Variants in CXCL17 observed in about 807,000 individuals in gnomAD.
The protein encoded by CXCL17 is C-X-C motif chemokine 17.
In CXCL17, 9 loss-of-function variants were observed where a neutral mutation model predicts 15.5. That is an observed-to-expected ratio of 0.58 (90% CI 0.35 to 1.01). CXCL17 has a LOEUF of 1.01. Among genes scored for constraint, CXCL17 ranks in the 50% least tolerant of loss-of-function variants. The pLI is 0.02. For synonymous variants in CXCL17, 52 were observed against 52.3 expected (o/e 0.99, Z 0.02); for missense variants, 133 against 138.2 (o/e 0.96, Z 0.19).
At chr19:42,433,687 A>G in intron 2 of CXCL17, 89 bp downstream of exon 2, 4 of 1,098,146 alleles carry the variant, frequency 3.6e-6, no homozygotes, top group Non-Finnish European at 5.6e-6. Flanking sequence ...GTCAGCTGAG[A>G]TAACATCTGC....
intron 1 of CXCL17, among the ~76,000 whole-genome samples, chr19:42,439,253 C>CAAAAAAAAAAAAAA (rs58768697): frequency 6.5e-5 from 5 of 77,502 alleles, no homozygotes; most frequent in East Asian, 3.5e-4. Flanking sequence ...GACTCTATCT[C>CAAAAAAAAAAAAAA]AAAAAAAAAA....
chr19:42,438,574 C>T (rs946626633), intron 1 of CXCL17, among the ~76,000 whole-genome samples: 7 of 151,216 alleles, frequency 4.6e-5, no homozygotes, highest in Admixed American at 2.6e-4. Context: ...CATGAGTGTG[C>T]GTGTGTGTTA....
At chr19:42,442,683 T>G in intron 1 of CXCL17, 71 bp downstream of exon 1, 1 of 1,086,144 alleles carries the variant, frequency 9.2e-7, no homozygotes, top group Non-Finnish European at 1.4e-6. Context: ...GAAGCTGCAT[T>G]TTGATGTGTC....
At chr19:42,438,681 C>T (rs1315223600) in intron 1 of CXCL17, among the ~76,000 whole-genome samples, 1 of 152,016 alleles carries the variant, frequency 6.6e-6, no homozygotes, top group East Asian at 1.9e-4. Flanking sequence ...ATCATTCTCC[C>T]ATGAAAGGAA....
intron 1 of CXCL17, 42 bp downstream of exon 1, chr19:42,442,712 A>G (rs752495438): frequency 2.9e-5 from 43 of 1,468,658 alleles, no homozygotes; most frequent in South Asian, 8.0e-5. Context: ...GTTTTGCCAC[A>G]TTTCTCCCCC....
At chr19:42,430,421 T>C (rs1022270443) in intron 3 of CXCL17, among the ~76,000 whole-genome samples, 3 of 151,550 alleles carry the variant, frequency 2.0e-5, no homozygotes, top group Non-Finnish European at 4.4e-5. Flanking sequence ...CATGGAGAAA[T>C]CCATCTCTAC....
chr19:42,442,229 CTT>C (rs10527944), intron 1 of CXCL17, among the ~76,000 whole-genome samples: 8,879 of 120,574 alleles, frequency 0.074, 108 homozygotes, highest in Middle Eastern at 0.14. Context: ...CTTTTCTTTC[CTT>C]TTTTTTTTTT....
At chr19:42,441,126 G>A (rs112179666) in intron 1 of CXCL17, among the ~76,000 whole-genome samples, 7 of 152,318 alleles carry the variant, frequency 4.6e-5, no homozygotes, top group East Asian at 1.9e-4. Context: ...GCTGGATAGC[G>A]TGAGGGATAT....
In CXCL17 at chr19:42,433,837, C is replaced by T. The variant is rs754846428; in HGVS notation, c.99G>A (p.Arg33=). ...SLNPGVARGH[R]DRGQASRRWL... Reference sequence around the variant, plus strand: ...ATCTCCTAGAAGCCTGGCCTCGGTCCCTGTGGCCTCTGGCGACCCCTGTCG... The same window carrying T: ...ATCTCCTAGAAGCCTGGCCTCGGTCTCTGTGGCCTCTGGCGACCCCTGTCG... Residue 33 remains arginine (R), a synonymous_variant, in exon 2 of 4, where the codon AGG becomes AGA. Coordinates refer to ENST00000601181, the MANE Select transcript of CXCL17 (RefSeq NM_198477.3). 1.2e-6 allele frequency: 2 copies of T among 1,613,954 alleles called. No individual in the cohort carries two copies. Among genetic ancestry groups the T allele is most frequent in the Middle Eastern group, 1.6e-4 (1 of 6,062 alleles).
At chr19:42,436,059 A>ATTCAGGCCTCCTACTTCCCAG in intron 1 of CXCL17, among the ~76,000 whole-genome samples, 1 of 151,976 alleles carries the variant, frequency 6.6e-6, no homozygotes, top group African/African-American at 2.4e-5. Context: ...ATTCCTAGCA[A>ATTCAGGCCTCCTACTTCCCAG]ACTAAAATAA....
At position 42,442,826 on chromosome 19, in the gene CXCL17, C is replaced by G. The variant is rs757561894; in HGVS notation, c.7G>C (p.Val3Leu). The G allele has an allele frequency of 9.3e-6, 15 of 1,613,358 alleles. No individual in the cohort carries two copies. Among genetic ancestry groups the G allele is most frequent in the Non-Finnish European group, 1.2e-5 (14 of 1,179,434 alleles). ...AACAGGAGGAGGGAAGAGATTAGAA[C>G]TTTCATCGCAACTGTCGGTGCAGCT... Reference protein sequence around the residue: MKVLISSLLLLLP... With the variant: MKLLISSLLLLLP... The change falls in exon 1 of 4, where the codon GTT (valine) becomes CTT (leucine). Residue 3 changes from valine to leucine, a missense_variant. Coordinates refer to ENST00000601181, the MANE Select transcript of CXCL17 (RefSeq NM_198477.3).
Position 42,436,675 on chromosome 19 carries a change from T to C in CXCL17, c.80-2819A>G, listed in dbSNP as rs1216666935. On this transcript the variant is annotated intron_variant, in intron 1 of 3. Coordinates refer to ENST00000601181, the MANE Select transcript of CXCL17 (RefSeq NM_198477.3). ...TTTTCCATTCATAGGCATGTTGCTG[T>C]GTCATCTTCATAACACATTTTTAAT... 3.3e-5 allele frequency among the ~76,000 whole-genome samples: 5 copies of C among 152,240 alleles called. No homozygotes were observed. The East Asian group carries it at 7.7e-4, about 23-fold the overall frequency.
chr19:42,430,092 A>C (rs2040762424), intron 3 of CXCL17, among the ~76,000 whole-genome samples: 1 of 151,710 alleles, frequency 6.6e-6, no homozygotes, highest in African/African-American at 2.4e-5. Context: ...GTTTCAGCCC[A>C]GGAGGTGAGC....
At chr19:42,438,549 G>C (rs1479230007) in intron 1 of CXCL17, among the ~76,000 whole-genome samples, 1 of 151,440 alleles carries the variant, frequency 6.6e-6, no homozygotes, top group Non-Finnish European at 1.5e-5. Context: ...CTGCGATTAA[G>C]TGGGGACTAC....
chr19:42,440,626 A>C (rs2040882583), intron 1 of CXCL17, among the ~76,000 whole-genome samples: 1 of 152,230 alleles, frequency 6.6e-6, no homozygotes. Context: ...CGGATCATTT[A>C]ATCTTCACAA....
At chr19:42,437,859 C>T (rs2040848158) in intron 1 of CXCL17, among the ~76,000 whole-genome samples, 1 of 152,028 alleles carries the variant, frequency 6.6e-6, no homozygotes, top group African/African-American at 2.4e-5. Context: ...TTTTCTGTGC[C>T]TCATTTTCCT....
chr19:42,430,594 CAAA>C (rs537870150), intron 3 of CXCL17, among the ~76,000 whole-genome samples: 4 of 85,194 alleles, frequency 4.7e-5, no homozygotes, highest in Admixed American at 1.4e-4. Flanking sequence ...AACTCCATCT[CAAA>C]AAAAAAAAAA....
At chr19:42,434,362 A>G (rs758063535) in intron 1 of CXCL17, among the ~76,000 whole-genome samples, 1 of 152,184 alleles carries the variant, frequency 6.6e-6, no homozygotes, top group African/African-American at 2.4e-5. Context: ...TAAAAGAGTG[A>G]GAGCGAGGAG....
rs374169926 is a variant in CXCL17, at chr19:42,433,851, C to T, written c.85G>A (p.Ala29Thr). 43 of 1,613,566 alleles carry T rather than the reference C, an allele frequency of 2.7e-5. No individual in the cohort carries two copies. Among genetic ancestry groups the T allele is most frequent in the Non-Finnish European group, 2.9e-5 (34 of 1,179,860 alleles). Residue 29 changes from alanine to threonine, a missense_variant, in exon 2 of 4, where the codon GCC becomes ACC. Transcript: ENST00000601181. ...TGGCCTCGGTCCCTGTGGCCTCTGG[C>T]GACCCCTGTCGGAAGGAAACAGGTC... ...MVSSSLNPGV[A>T]RGHRDRGQAS...
Sources: allele counts gnomAD v4.1 joint callset (sites outside exome capture counted in the v4.1 genomes callset), GRCh38; gene constraint gnomAD v4.1.1; transcripts MANE v1.5; gene names NCBI Gene and HGNC (gene_info 2026-07-23, HGNC 2026-07-21).